TMEM117: variants seen among roughly 807,000 people sequenced by gnomAD.
TMEM117 encodes the protein transmembrane protein 117.
TMEM117 carries 27 observed loss-of-function variants against 52.4 expected under a neutral mutation model. The ratio of observed to expected loss-of-function variants is 0.51; its 90% CI spans 0.38 to 0.71. The LOEUF (loss-of-function observed/expected upper bound fraction) is 0.71. Among genes scored for constraint, TMEM117 ranks in the 30% least tolerant of loss-of-function variants. The probability of loss-of-function intolerance (pLI) is 0.00; values close to 1 mark genes in which losing one functional copy is unlikely to be tolerated. For missense variants in TMEM117, 556 were observed against 630.5 expected (o/e 0.88, Z 1.26); for synonymous variants, 215 against 206.3 (o/e 1.04, Z -0.36).
chr12:43,884,363 T>A (rs1347825294), intron 2 of TMEM117, among the ~76,000 whole-genome samples: 1 of 152,060 alleles, frequency 6.6e-6, no homozygotes, highest in Non-Finnish European at 1.5e-5. Context: ...ATTAGGTAAA[T>A]CTCAATGGAA....
At chr12:43,898,485 C>T (rs551278656) in intron 2 of TMEM117, among the ~76,000 whole-genome samples, 1 of 152,000 alleles carries the variant, frequency 6.6e-6, no homozygotes, top group Non-Finnish European at 1.5e-5. Flanking sequence ...ATAGACCCTA[C>T]TTGAACCTCA....
the TMEM117 span, chr12:43,800,531 C>T: frequency 1.2e-6 from 2 of 1,611,808 alleles, no homozygotes; most frequent in Non-Finnish European, 1.7e-6. Flanking sequence ...TTTGACGAAC[C>T]TATTCAGTTG....
intron 3 of TMEM117, among the ~76,000 whole-genome samples, chr12:44,094,273 C>A (rs532981569): frequency 1.2e-4 from 19 of 152,224 alleles, no homozygotes; most frequent in Non-Finnish European, 2.5e-4. Context: ...CAGTTCTGAT[C>A]TCTGTGTGGT....
Position 44,388,995 on chromosome 12 carries a change from A to T in TMEM117, c.*323A>T. 1 of 249,638 alleles carries T rather than the reference A, an allele frequency of 4.0e-6. No homozygotes were observed. Among genetic ancestry groups the T allele is most frequent in the Non-Finnish European group, 7.8e-6 (1 of 128,040 alleles). The allele number at this position is 249,638 out of a possible 1,614,324, so 15.5% of individuals were successfully genotyped here. The stretch of plus-strand genomic sequence containing the variant: ...CCATAGTGGTGCCTTGAGACATTAA[A>T]CTGTTTTTAACTGTACCAGAAATGA... On this transcript the variant is annotated 3_prime_UTR_variant, in exon 8 of 8. Coordinates refer to ENST00000266534, the MANE Select transcript of TMEM117 (RefSeq NM_032256.3).
At chr12:44,318,181 GTACT>G (rs1210501761) in intron 6 of TMEM117, 1 of 152,398 alleles carries the variant, frequency 6.6e-6, no homozygotes, top group Non-Finnish European at 1.5e-5. Flanking sequence ...AGGCAAGGGG[GTACT>G]TCAGATGCCT....
chr12:43,936,049 TA>T (rs1443862282), intron 2 of TMEM117, among the ~76,000 whole-genome samples: 2 of 151,804 alleles, frequency 1.3e-5, no homozygotes, highest in Non-Finnish European at 2.9e-5. Context: ...GCTTGGATTT[TA>T]TATTACGGGA....
chr12:44,331,844 A>G (rs1023770454), intron 6 of TMEM117, among the ~76,000 whole-genome samples: 12 of 151,994 alleles, frequency 7.9e-5, no homozygotes, highest in Admixed American at 3.9e-4. Flanking sequence ...CAAGCACCCA[A>G]TTTCACAGCA....
intron 3 of TMEM117, among the ~76,000 whole-genome samples, chr12:43,980,983 T>C (rs542300356): frequency 7.9e-5 from 12 of 152,198 alleles, no homozygotes; most frequent in Admixed American, 5.9e-4. Flanking sequence ...GTAAACAAAT[T>C]TATCTAGATA....
At chr12:44,307,393 A>C (rs1298093771) in intron 6 of TMEM117, among the ~76,000 whole-genome samples, 1 of 152,202 alleles carries the variant, frequency 6.6e-6, no homozygotes, top group Non-Finnish European at 1.5e-5. Context: ...TAACTTCTTC[A>C]AACTATTTTA....
intron 1 of TMEM117, among the ~76,000 whole-genome samples, chr12:43,836,980 T>C (rs75861658): frequency 0.074 from 11,232 of 152,302 alleles, 524 homozygotes; most frequent in Middle Eastern, 0.11. Flanking sequence ...AGGGTTTTGT[T>C]TTGGCTTCAG....
At chr12:44,286,204 A>G (rs1950635882) in intron 5 of TMEM117, among the ~76,000 whole-genome samples, 1 of 151,832 alleles carries the variant, frequency 6.6e-6, no homozygotes, top group Non-Finnish European at 1.5e-5. Flanking sequence ...TTAAGATTTT[A>G]TAATAACTGT....
chr12:44,163,597 A>C (rs1175170530), intron 4 of TMEM117, among the ~76,000 whole-genome samples: 1 of 152,198 alleles, frequency 6.6e-6, no homozygotes, highest in Non-Finnish European at 1.5e-5. Context: ...TTTAATCATC[A>C]TCAGTTTTAT....
rs529918807 is a variant in TMEM117, at chr12:44,127,157, A to T, written c.411-16368A>T. Among the ~76,000 whole-genome samples, 1,341 of 152,324 alleles carry T rather than the reference A, an allele frequency of 8.8e-3. 13 individuals are homozygous for T. Among genetic ancestry groups the T allele is most frequent in the Non-Finnish European group, 0.014 (952 of 68,018 alleles). On this transcript the variant is annotated intron_variant, in intron 3 of 7. Transcript: ENST00000266534. ...TTACAGGATTTCTGTGTTGAATTCT[A>T]AAATTAGGATCATAGAGATTTTAAA...
At chr12:43,885,159 G>A (rs903611384) in intron 2 of TMEM117, among the ~76,000 whole-genome samples, 1 of 152,106 alleles carries the variant, frequency 6.6e-6, no homozygotes, top group Admixed American at 6.5e-5. Flanking sequence ...TCATGGATTC[G>A]TAGCAATCAC....
intron 2 of TMEM117, among the ~76,000 whole-genome samples, chr12:43,906,995 C>T (rs1944403199): frequency 6.6e-6 from 1 of 152,218 alleles, no homozygotes; most frequent in Non-Finnish European, 1.5e-5. Context: ...GAGGCCACCA[C>T]AGCTCAAGGA....
chr12:43,813,803 C>T, the TMEM117 span, among the ~76,000 whole-genome samples: 1 of 152,114 alleles, frequency 6.6e-6, no homozygotes, highest in African/African-American at 2.4e-5. Context: ...TAGTAGGTAA[C>T]CTGCAATTCA....
At chr12:44,370,635 C>T (rs962792589) in intron 6 of TMEM117, among the ~76,000 whole-genome samples, 11 of 151,476 alleles carry the variant, frequency 7.3e-5, no homozygotes, top group Admixed American at 2.6e-4. Context: ...CTTCTACCTC[C>T]GCCTCCCCAG....
chr12:44,322,821 G>A (rs1168055488), intron 6 of TMEM117, among the ~76,000 whole-genome samples: 2 of 151,946 alleles, frequency 1.3e-5, no homozygotes, highest in South Asian at 2.1e-4. Context: ...CCCGCTGGCC[G>A]GCCCCCCACC....
intron 6 of TMEM117, among the ~76,000 whole-genome samples, chr12:44,329,506 T>G (rs1241898444): frequency 6.6e-5 from 10 of 152,166 alleles, no homozygotes; most frequent in Admixed American, 3.3e-4. Flanking sequence ...GTGATAGTGT[T>G]GACATCTATC....
Sources: gnomAD v4.1 joint callset for allele counts (sites outside exome capture counted in the v4.1 genomes callset) on GRCh38, gnomAD v4.1.1 for gene constraint, MANE v1.5 for transcripts, NCBI Gene and HGNC (gene_info 2026-07-23, HGNC 2026-07-21) for gene names.